SPPL2A: variants seen among roughly 807,000 people sequenced by gnomAD.
SPPL2A encodes signal peptide peptidase-like 2A.
A neutral mutation model predicts 63.8 loss-of-function variants in SPPL2A; 51 were observed. The observed-to-expected ratio is 0.80, with a 90% CI of 0.64 to 1.01. SPPL2A has a LOEUF of 1.01. Ranked by LOEUF, SPPL2A falls within the 50% of genes least tolerant of loss-of-function variation. SPPL2A has a pLI of 0.00. For missense variants in SPPL2A, 553 were observed against 622.7 expected (o/e 0.89, Z 1.19); for synonymous variants, 188 against 205.8 (o/e 0.91, Z 0.74).
At position 50,703,241 on chromosome 15, in the gene SPPL2A, T is replaced by G. The variant is rs2062487608; in HGVS notation, c.*4559A>C. The G allele has an allele frequency of 6.7e-6, 1 of 149,280 alleles. No individual in the cohort carries two copies. Among genetic ancestry groups the G allele is most frequent in the Admixed American group, 6.8e-5 (1 of 14,762 alleles). 9.2% of individuals were successfully genotyped at this position (149,280 alleles called of 1,614,324 possible). On this transcript the variant is annotated 3_prime_UTR_variant, in exon 15 of 15. Transcript: ENST00000261854. ...AATTCCATTCAATTGTAGACTGAAGTACAGTTTTTGTTTTTGAAATTTCAT... is the reference window on the plus strand; with the variant it reads ...AATTCCATTCAATTGTAGACTGAAGGACAGTTTTTGTTTTTGAAATTTCAT...
At chr15:50,756,383 A>G (rs1244156242) in intron 1 of SPPL2A, among the ~76,000 whole-genome samples, 2 of 147,740 alleles carry the variant, frequency 1.4e-5, no homozygotes, top group Non-Finnish European at 3.0e-5. Flanking sequence ...AAAAAAGGTC[A>G]GGGTCTGTTT....
chr15:50,736,798 A>G, intron 6 of SPPL2A, 58 bp from the exon 7 acceptor site: 1 of 840,372 alleles, frequency 1.2e-6, no homozygotes, highest in Admixed American at 2.0e-5. Context: ...ATAAGAAAAT[A>G]TTTATACAAG....
At chr15:50,726,503 T>C (rs2062689622) in intron 10 of SPPL2A, 126 bp from the exon 11 acceptor site, 2 of 829,806 alleles carry the variant, frequency 2.4e-6, no homozygotes, top group South Asian at 1.7e-5. Flanking sequence ...TGCAGACTGC[T>C]TTTTTCCTAA....
At chr15:50,757,172 T>TCC (rs2062965912) in intron 1 of SPPL2A, among the ~76,000 whole-genome samples, 1 of 148,274 alleles carries the variant, frequency 6.7e-6, no homozygotes, top group Non-Finnish European at 1.5e-5. Context: ...AAGCTCCGCC[T>TCC]CTGGGATTCA....
chr15:50,739,970 C>T (rs1463468416), intron 5 of SPPL2A, 142 bp from the exon 6 acceptor site: 1 of 391,710 alleles, frequency 2.6e-6, no homozygotes, highest in African/African-American at 2.1e-5. Flanking sequence ...TATTATTTTT[C>T]TAAGCTATCT....
chr15:50,708,023 C>A (rs1042006341), intron 14 of SPPL2A, 149 bp from the exon 15 acceptor site: 2 of 621,922 alleles, frequency 3.2e-6, no homozygotes, highest in South Asian at 1.9e-5. Context: ...GGTTCAACAT[C>A]CACACTTCTA....
intron 14 of SPPL2A, among the ~76,000 whole-genome samples, chr15:50,718,620 A>G (rs1399178737): frequency 6.6e-6 from 1 of 152,190 alleles, no homozygotes; most frequent in Non-Finnish European, 1.5e-5. Context: ...AGTTGAGACA[A>G]CAGCTTTGTG....
At chr15:50,731,183 T>G (rs2062727873) in intron 9 of SPPL2A, 144 bp from the exon 10 acceptor site, 1 of 476,486 alleles carries the variant, frequency 2.1e-6, no homozygotes, top group Non-Finnish European at 3.8e-6. Flanking sequence ...ATACTATGTA[T>G]AGTTTTATTC....
At chr15:50,741,811 C>A (rs1434012611) in intron 5 of SPPL2A, among the ~76,000 whole-genome samples, 2 of 151,656 alleles carry the variant, frequency 1.3e-5, no homozygotes, top group African/African-American at 4.8e-5. Context: ...ACTAAAAATA[C>A]AAAAATTAGC....
intron 8 of SPPL2A, among the ~76,000 whole-genome samples, chr15:50,735,510 CACAT>C (rs1160706192): frequency 6.7e-6 from 1 of 149,378 alleles, no homozygotes; most frequent in Non-Finnish European, 1.5e-5. Flanking sequence ...TACACACACA[CACAT>C]ACATATATAC....
chr15:50,743,184 T>C (rs1313888173), intron 5 of SPPL2A: 1 of 152,250 alleles, frequency 6.6e-6, no homozygotes, highest in Non-Finnish European at 1.5e-5. Context: ...AGCAGGAGAA[T>C]TGCTTGAACC....
intron 8 of SPPL2A, among the ~76,000 whole-genome samples, chr15:50,735,544 TACACACACAC>T (rs59560616): frequency 4.0e-5 from 6 of 149,606 alleles, no homozygotes; most frequent in African/African-American, 1.5e-4. Context: ...CATATATACA[TACACACACAC>T]ACACACACAC....
rs1351479212 is a variant in SPPL2A at position 50,736,140 on chromosome 15, G to A, written c.893C>T (p.Ala298Val). 5 of 1,612,848 alleles carry A rather than the reference G, an allele frequency of 3.1e-6. No homozygotes were observed. Among genetic ancestry groups the A allele is most frequent in the African/African-American group, 1.3e-5 (1 of 75,006 alleles). Residue 298 changes from alanine (A) to valine (V), a missense_variant, in exon 8 of 15, where the codon GCA becomes GTA. By Grantham distance (64) the Ala-to-Val change is moderately conservative (BLOSUM62 0). Coordinates refer to ENST00000261854, the MANE Select transcript of SPPL2A (RefSeq NM_032802.4). ...RLIFLSGLCI[A>V]VAVVWAVFRN... is the part of the protein sequence containing the mutation. ...AAACACAGCCCAAACAACAGCTACTGCTATGCACAGTCCAGAGAGAAAAAT... is the reference window on the plus strand; with the variant it reads ...AAACACAGCCCAAACAACAGCTACTACTATGCACAGTCCAGAGAGAAAAAT...
chr15:50,727,573 T>C (rs1357045974), intron 10 of SPPL2A, among the ~76,000 whole-genome samples: 3 of 152,026 alleles, frequency 2.0e-5, no homozygotes, highest in African/African-American at 7.3e-5. Context: ...GATACCCGAG[T>C]AACTACTACT....
intron 14 of SPPL2A, among the ~76,000 whole-genome samples, chr15:50,712,493 CATATCAA>C (rs1211508473): frequency 2.0e-5 from 3 of 152,026 alleles, no homozygotes; most frequent in Admixed American, 2.0e-4. Context: ...ACAGTGGAAC[CATATCAA>C]GTCTCCCTCT....
At chr15:50,728,706 C>T (rs866500423) in intron 10 of SPPL2A, among the ~76,000 whole-genome samples, 11 of 152,018 alleles carry the variant, frequency 7.2e-5, no homozygotes, top group Non-Finnish European at 1.0e-4. Flanking sequence ...TGCAGTGGCA[C>T]GATCTCGGCT....
At chr15:50,756,291 G>A (rs1445651032) in intron 1 of SPPL2A, among the ~76,000 whole-genome samples, 2 of 150,414 alleles carry the variant, frequency 1.3e-5, no homozygotes, top group African/African-American at 4.9e-5. Context: ...AATCTGGGAG[G>A]CGGAGCTTGC....
At chr15:50,708,192 C>T (rs1230825838) in intron 14 of SPPL2A, among the ~76,000 whole-genome samples, 2 of 152,170 alleles carry the variant, frequency 1.3e-5, no homozygotes, top group African/African-American at 4.8e-5. Flanking sequence ...ATATTCCTGA[C>T]ACTTATTCCA....
Position 50,705,390 on chromosome 15 carries a change from A to C in SPPL2A, c.*2410T>G, listed in dbSNP as rs1483168547. 6.6e-6 allele frequency: 1 copy of C among 152,144 alleles called. No homozygotes were observed. Among genetic ancestry groups the C allele is most frequent in the Non-Finnish European group, 1.5e-5 (1 of 68,040 alleles). The allele number at this position is 152,144 out of a possible 1,614,324, so 9.4% of individuals were successfully genotyped here. ...ATCTCATTTCGATGTAGTAAAAAAAAAATTTTCTTTAACATTCTTCATAAA... is the reference window on the plus strand; with the variant it reads ...ATCTCATTTCGATGTAGTAAAAAAACAATTTTCTTTAACATTCTTCATAAA... On this transcript the variant is annotated 3_prime_UTR_variant, in exon 15 of 15. Transcript: ENST00000261854.
Sources: allele counts gnomAD v4.1 joint callset (sites outside exome capture counted in the v4.1 genomes callset), GRCh38; gene constraint gnomAD v4.1.1; transcripts MANE v1.5; gene names NCBI Gene and HGNC (gene_info 2026-07-23, HGNC 2026-07-21).